Variants in KIAA1217 observed in about 807,000 individuals in gnomAD.
KIAA1217 encodes sickle tail protein homolog.
KIAA1217 carries 88 observed loss-of-function variants against 163.9 expected under a neutral mutation model. The observed-to-expected ratio is 0.54, with a 90% CI of 0.45 to 0.64. KIAA1217 has a LOEUF of 0.64. KIAA1217 is among the 30% of genes least tolerant of loss of function. KIAA1217 has a pLI of 0.00. For missense variants in KIAA1217, 2,372 were observed against 2,475.0 expected, an observed-to-expected ratio of 0.96 and a Z score of 0.88; for synonymous variants, 903 against 923.1, an observed-to-expected ratio of 0.98 and a Z score of 0.39.
intron 2 of KIAA1217, among the ~76,000 whole-genome samples, chr10:24,379,340 A>C (rs1000077911): frequency 3.9e-5 from 6 of 152,218 alleles, no homozygotes; most frequent in African/African-American, 9.6e-5. Context: ...TAAATCTAGG[A>C]ATGCACCACT....
chr10:23,748,449 G>T (rs1441849090), intron 1 of KIAA1217, among the ~76,000 whole-genome samples: 1 of 140,924 alleles, frequency 7.1e-6, no homozygotes, highest in South Asian at 2.2e-4. Context: ...TGGAAGGAAG[G>T]AAGGAAGGAA....
chr10:24,524,376 A>G lies in KIAA1217; in HGVS notation c.2510A>G (p.Tyr837Cys). The stretch of plus-strand genomic sequence containing the variant: ...ACGGACGCAGCCCAAGCCGCACAGT[A>G]CATGGCTATGGAAAAGGCCACAGCC... ...KGTDAAQAAQ[Y>C]MAMEKATAAE... Residue 837 changes from tyrosine to cysteine, a missense_variant, in exon 13 of 21, where the codon TAC becomes TGC. Transcript: ENST00000376454. 1 of 1,614,240 alleles carries G rather than the reference A, an allele frequency of 6.2e-7. No individual in the cohort carries two copies.
At chr10:24,310,501 T>G (rs908960605) in intron 2 of KIAA1217, among the ~76,000 whole-genome samples, 15 of 152,192 alleles carry the variant, frequency 9.9e-5, no homozygotes, top group African/African-American at 3.4e-4. Flanking sequence ...TTGCAAAGTT[T>G]TAGTAAAACT....
At chr10:24,528,919 G>T (rs1366349826) in intron 14 of KIAA1217, among the ~76,000 whole-genome samples, 2 of 152,066 alleles carry the variant, frequency 1.3e-5, no homozygotes, top group East Asian at 3.9e-4. Context: ...AACTATGGAA[G>T]TTAAATGCCA....
intron 3 of KIAA1217, among the ~76,000 whole-genome samples, chr10:24,411,346 G>T (rs1344413850): frequency 6.6e-6 from 1 of 152,156 alleles, no homozygotes; most frequent in African/African-American, 2.4e-5. Flanking sequence ...TTTTGCAATT[G>T]CAAGGAAGGT....
chr10:24,006,874 T>C (rs1847022450), intron 1 of KIAA1217, among the ~76,000 whole-genome samples: 1 of 152,184 alleles, frequency 6.6e-6, no homozygotes, highest in African/African-American at 2.4e-5. Context: ...CAGCTTTTCA[T>C]TCAGCCTCTC....
chr10:23,964,835 G>A (rs1049160208), intron 1 of KIAA1217, among the ~76,000 whole-genome samples: 13 of 152,128 alleles, frequency 8.5e-5, no homozygotes, highest in South Asian at 2.1e-4. Flanking sequence ...GACTACAGGC[G>A]TGAGCCACCA....
intron 2 of KIAA1217, among the ~76,000 whole-genome samples, chr10:24,307,027 C>T (rs186355013): frequency 1.7e-3 from 252 of 152,268 alleles, no homozygotes; most frequent in Non-Finnish European, 3.1e-3. Context: ...AGACTGTAGC[C>T]GTTTAATTAC....
At chr10:23,916,602 A>C in intron 1 of KIAA1217, among the ~76,000 whole-genome samples, 1 of 152,172 alleles carries the variant, frequency 6.6e-6, no homozygotes, top group East Asian at 1.9e-4. Context: ...TTCCTTGTAA[A>C]GGTCACTGTA....
chr10:23,852,111 A>G (rs1426026480), intron 1 of KIAA1217, among the ~76,000 whole-genome samples: 2 of 152,070 alleles, frequency 1.3e-5, no homozygotes, highest in African/African-American at 4.8e-5. Context: ...CTGAATGGTA[A>G]TGCCTAGGTT....
chr10:24,533,290 C>G (rs11598911), intron 16 of KIAA1217, 53 bp downstream of exon 16: 365,955 of 1,531,188 alleles, frequency 0.24, 47,832 homozygotes, highest in Non-Finnish European at 0.27. Flanking sequence ...CTGGGTCTCT[C>G]CAGCCATGGC....
intron 14 of KIAA1217, among the ~76,000 whole-genome samples, chr10:24,529,029 G>A (rs556333628): frequency 6.6e-5 from 10 of 151,994 alleles, no homozygotes; most frequent in Non-Finnish European, 1.3e-4. Context: ...TTATGGACCC[G>A]GATGTTATTT....
intron 1 of KIAA1217, among the ~76,000 whole-genome samples, chr10:23,959,373 A>G (rs927404172): frequency 5.9e-5 from 9 of 152,244 alleles, no homozygotes; most frequent in South Asian, 2.1e-4. Context: ...CAGTTTAAAA[A>G]TTAGCCAGGC....
chr10:23,747,674 G>T (rs567726394), intron 1 of KIAA1217, among the ~76,000 whole-genome samples: 1 of 152,236 alleles, frequency 6.6e-6, no homozygotes, highest in Non-Finnish European at 1.5e-5. Context: ...AAGATTTAAA[G>T]AAGATACAAA....
intron 5 of KIAA1217, among the ~76,000 whole-genome samples, chr10:24,451,121 G>A (rs544095135): frequency 1.1e-4 from 17 of 151,348 alleles, no homozygotes; most frequent in African/African-American, 4.1e-4. Context: ...AAGCACTTTG[G>A]ATAAACGACT....
chr10:24,247,226 G>T (rs2073924593), intron 2 of KIAA1217, among the ~76,000 whole-genome samples: 1 of 148,692 alleles, frequency 6.7e-6, no homozygotes, highest in Admixed American at 6.8e-5. Flanking sequence ...AGGTAAACTT[G>T]TGTCATGGGG....
chr10:24,323,262 C>T (rs1043464592), intron 2 of KIAA1217, among the ~76,000 whole-genome samples: 6 of 152,180 alleles, frequency 3.9e-5, no homozygotes, highest in Non-Finnish European at 5.9e-5. Flanking sequence ...TTTGTTTCTT[C>T]AAGGGCCTGG....
At chr10:24,499,510 A>G (rs2133911052) in intron 8 of KIAA1217, among the ~76,000 whole-genome samples, 1 of 152,312 alleles carries the variant, frequency 6.6e-6, no homozygotes, top group East Asian at 1.9e-4. Flanking sequence ...AGGCAGGTGG[A>G]TCACCTGAGG....
chr10:24,544,476 C>A lies in KIAA1217; in HGVS notation c.5206C>A (p.Arg1736Ser), dbSNP rs542316251. 2.4e-4 allele frequency: 393 copies of A among 1,608,206 alleles called. 2 individuals are homozygous for A. The South Asian group carries it at 4.0e-3, about 17-fold the overall frequency. The change falls in exon 19 of 21, where the codon CGT (arginine) becomes AGT (serine). Residue 1736 changes from arginine (R) to serine (S), a missense_variant. Around this residue, in one of 3 missense-constraint regions of KIAA1217, gnomAD observed 690 missense variants for 677.5 expected, o/e 1.02. Transcript: ENST00000376454. The part of the protein sequence containing the change: ...EPPTSIPSAS[R>S]KGSSGAPQTS... ...CCCTACGTCGATACCTTCAGCTTCA[C>A]GTAAGGTATCTTGGTCTGCTGGAAA...
Sources: allele counts gnomAD v4.1 joint callset (sites outside exome capture counted in the v4.1 genomes callset), GRCh38; gene constraint gnomAD v4.1.1; regional missense constraint gnomAD v4.1.1; transcripts MANE v1.5; gene names NCBI Gene and HGNC (gene_info 2026-07-23, HGNC 2026-07-21).